HSP90AA1: variants seen among roughly 807,000 people sequenced by gnomAD.
HSP90AA1 encodes heat shock protein 90 alpha family class A member 1.
In HSP90AA1, 18 loss-of-function variants were observed where a neutral mutation model predicts 73.3. The observed-to-expected ratio is 0.25, with a 90% CI of 0.17 to 0.36. The LOEUF (loss-of-function observed/expected upper bound fraction) is 0.36. Among genes scored for constraint, HSP90AA1 ranks in the 10% least tolerant of loss-of-function variants. The pLI, the probability that HSP90AA1 is intolerant of heterozygous loss-of-function variation, is 1.00. For synonymous variants in HSP90AA1, 477 were observed against 296.9 expected (o/e 1.61, Z -6.24); for missense variants, 704 against 874.2 (o/e 0.81, Z 2.45).
At chr14:102,086,804 G>GA (rs2049251012) in intron 1 of HSP90AA1, among the ~76,000 whole-genome samples, 182 bp downstream of exon 1, 1 of 151,654 alleles carries the variant, frequency 6.6e-6, no homozygotes, top group Admixed American at 6.6e-5. Context: ...GCCCATTCCT[G>GA]AAGCGGGGTG....
At chr14:102,139,272 A>C (rs1244276318) in exon 1 of HSP90AA1, 3 of 1,613,948 alleles carry the variant, frequency 1.9e-6, no homozygotes, top group African/African-American at 1.3e-5. Context: ...GGCGGCGAGG[A>C]GGCTTCAGAG....
At chr14:102,131,808 G>T (rs898158300) in intron 1 of HSP90AA1, among the ~76,000 whole-genome samples, 1 of 152,158 alleles carries the variant, frequency 6.6e-6, no homozygotes, top group Non-Finnish European at 1.5e-5. Flanking sequence ...GTACTTAGTT[G>T]TGCTCATTGC....
At chr14:102,138,950 G>A (rs34917280) in intron 1 of HSP90AA1, among the ~76,000 whole-genome samples, 1,634 of 151,932 alleles carry the variant, frequency 0.011, 19 homozygotes, top group African/African-American at 0.033. Flanking sequence ...TCCACCTGAG[G>A]CTTCTGGAAA....
chr14:102,121,959 A>G (rs1392596512), intron 1 of HSP90AA1, among the ~76,000 whole-genome samples: 1 of 152,152 alleles, frequency 6.6e-6, no homozygotes, highest in Non-Finnish European at 1.5e-5. Context: ...TGTGCCATGC[A>G]AGACATAAAA....
upstream of HSP90AA1, among the ~76,000 whole-genome samples, chr14:102,088,297 C>G (rs140272566): frequency 6.6e-6 from 1 of 152,138 alleles, no homozygotes; most frequent in African/African-American, 2.4e-5. Context: ...TGTCCTCTTC[C>G]TCTTTGTCTC....
Position 102,101,926 on chromosome 14 carries a change from TG to T in HSP90AA1, c.314del (p.Ala105GlufsTer18). ...GCAGATCCTTGTAGAGGTGTTGCCC[TG>T]CACCTTGGCTCTGTCTGAAGGCCAG... On this transcript the variant is annotated frameshift_variant, in exon 2 of 12. Coordinates refer to the HSP90AA1 transcript ENST00000334701. LOFTEE classifies it high-confidence loss of function. 1.2e-6 allele frequency: 2 copies of T among 1,614,192 alleles called. No individual in the cohort carries two copies. The highest frequency in any genetic ancestry group is 4.5e-5 in the East Asian group (2 of 44,892).
chr14:102,090,865 CTA>C (rs1038207199), upstream of HSP90AA1, among the ~76,000 whole-genome samples: 7 of 152,336 alleles, frequency 4.6e-5, no homozygotes, highest in Admixed American at 2.0e-4. Flanking sequence ...TTTTCCTCCT[CTA>C]TTTGAAAGCT....
At chr14:102,087,241 G>T, upstream of HSP90AA1, 2 of 853,516 alleles carry the variant, frequency 2.3e-6, no homozygotes, top group Non-Finnish European at 1.4e-6. Flanking sequence ...CTCGTGGCCC[G>T]GCCCGGGCAA....
chr14:102,086,135 A>T lies in HSP90AA1; in HGVS notation c.163-11T>A. The T allele has an allele frequency of 6.2e-7, 1 of 1,614,150 alleles. No homozygotes were observed. The highest frequency in any genetic ancestry group is 8.5e-7 in the Non-Finnish European group (1 of 1,180,014). On this transcript the variant is annotated splice_polypyrimidine_tract_variant and intron_variant, in intron 2 of 10. Transcript: ENST00000216281. ...GATTTTGTCCAATGCCTGTTAACAAAAAATATTAATTTAAGCATACAGCAC... is the reference window on the plus strand; with the variant it reads ...GATTTTGTCCAATGCCTGTTAACAATAAATATTAATTTAAGCATACAGCAC...
At chr14:102,136,472 G>A (rs2049995770) in intron 1 of HSP90AA1, among the ~76,000 whole-genome samples, 2 of 147,172 alleles carry the variant, frequency 1.4e-5, no homozygotes, top group Non-Finnish European at 3.0e-5. Flanking sequence ...GGGAGGCTGA[G>A]GCAGAAGACT....
chr14:102,119,612 C>T (rs573920463), intron 1 of HSP90AA1, among the ~76,000 whole-genome samples: 18 of 152,296 alleles, frequency 1.2e-4, no homozygotes, highest in East Asian at 9.6e-4. Context: ...CCTCACCCTC[C>T]GGAGTAGCTG....
In HSP90AA1 at chr14:102,117,707, C is replaced by T. The variant is rs147777721; in HGVS notation, c.156-15622G>A. On this transcript the variant is annotated intron_variant, in intron 1 of 11. Transcript: ENST00000334701. ...CACAGGACAAAAACTCAGGACCCACCGAATGGCGAAACTAAAAGAACTGTA... is the reference window on the plus strand; with the variant it reads ...CACAGGACAAAAACTCAGGACCCACTGAATGGCGAAACTAAAAGAACTGTA... Among the ~76,000 whole-genome samples the T allele has an allele frequency of 5.2e-4, 79 of 152,214 alleles. No homozygotes were observed. In the East Asian group the frequency reaches 9.9e-3, roughly 19 times the overall value.
chr14:102,125,484 A>G (rs1416897401), intron 1 of HSP90AA1, among the ~76,000 whole-genome samples: 1 of 152,214 alleles, frequency 6.6e-6, no homozygotes, highest in East Asian at 1.9e-4. Flanking sequence ...GGAAGAGGGA[A>G]GCAGAATGAG....
upstream of HSP90AA1, chr14:102,139,738 G>C (rs376176088): frequency 1.1e-6 from 1 of 878,860 alleles, no homozygotes; most frequent in East Asian, 2.7e-5. Flanking sequence ...AGGTGAGCAC[G>C]CCTGCGCAGT....
chr14:102,126,325 G>A (rs1364609418), intron 1 of HSP90AA1, among the ~76,000 whole-genome samples: 1 of 152,040 alleles, frequency 6.6e-6, no homozygotes, highest in African/African-American at 2.4e-5. Flanking sequence ...GGAAACACCA[G>A]GAAAAGAGAA....
rs1353671077 is a variant in HSP90AA1 at position 102,130,891 on chromosome 14, A to AT, written c.155+8358dup. Reference sequence around the variant, plus strand: ...AATACACCACCACGCTAATTTTTAAATTTTTTTTGTAGAGACAAGGTCTCA... The same window carrying AT: ...AATACACCACCACGCTAATTTTTAAATTTTTTTTTGTAGAGACAAGGTCTCA... On this transcript the variant is annotated intron_variant, in intron 1 of 11. Coordinates refer to the HSP90AA1 transcript ENST00000334701. Among the ~76,000 whole-genome samples, 8 of 151,650 alleles carry AT rather than the reference A, an allele frequency of 5.3e-5. No homozygotes were observed. In the East Asian group the frequency reaches 1.4e-3, roughly 26 times the overall value.
At position 102,086,235 on chromosome 14, in the gene HSP90AA1, G is replaced by A; in HGVS notation, c.144C>T (p.Leu48=). 1 of 1,614,168 alleles carries A rather than the reference G, an allele frequency of 6.2e-7. No homozygotes were observed. The highest frequency in any genetic ancestry group is 8.5e-7 in the Non-Finnish European group (1 of 1,180,018). ...YSNKEIFLRE[L]ISNSSDALDK... is the part of the protein sequence containing the mutation. The stretch of plus-strand genomic sequence containing the variant: ...GACTTACATCTGATGAATTTGAAAT[G>A]AGCTCTCTCAGAAAGATCTCTTTGT... The change falls in exon 2 of 11, where the codon CTC becomes CTT. Residue 48 remains leucine (L), a synonymous_variant. Transcript: ENST00000216281.
Position 102,086,229 on chromosome 14 carries a change from T to G in HSP90AA1, c.150A>C (p.Ser50=). Reference sequence around the variant, plus strand: ...ATAAGTGACTTACATCTGATGAATTTGAAATGAGCTCTCTCAGAAAGATCT... The same window carrying G: ...ATAAGTGACTTACATCTGATGAATTGGAAATGAGCTCTCTCAGAAAGATCT... ...NKEIFLRELI[S]NSSDALDKIR... is the part of the protein sequence containing the mutation. Residue 50 remains serine (S), a synonymous_variant, in exon 2 of 11, where the codon TCA becomes TCC. Coordinates refer to ENST00000216281, the MANE Select transcript of HSP90AA1 (RefSeq NM_005348.4). 1 of 1,614,214 alleles carries G rather than the reference T, an allele frequency of 6.2e-7. No individual in the cohort carries two copies. Among genetic ancestry groups the G allele is most frequent in the Non-Finnish European group, 8.5e-7 (1 of 1,180,042 alleles).
Position 102,084,915 on chromosome 14 carries a change from C to G in HSP90AA1, c.747G>C (p.Glu249Asp). The G allele has an allele frequency of 6.3e-7, 1 of 1,581,246 alleles. No individual in the cohort carries two copies. Among genetic ancestry groups the G allele is most frequent in the Non-Finnish European group, 8.7e-7 (1 of 1,150,564 alleles). Residue 249 changes from glutamate to aspartate, a missense_variant, in exon 5 of 11, where the codon GAG becomes GAC. Transcript: ENST00000216281. ...TTTCAGGTTTGTCTTCCGACTCTTT[C>G]TCTTCTTTTTCTTTTTCTTCTTCTT... ...EDKEEEKEKE[E>D]KESEDKPEIE...
Sources: allele counts gnomAD v4.1 joint callset (sites outside exome capture counted in the v4.1 genomes callset), GRCh38; gene constraint gnomAD v4.1.1; transcripts MANE v1.5; gene names NCBI Gene and HGNC (gene_info 2026-07-23, HGNC 2026-07-21).